The following FLOT2 variants were observed in gnomAD, a reference collection of about 807,000 sequenced individuals.
The protein encoded by FLOT2 is flotillin-2.
In FLOT2, 35 loss-of-function variants were observed where a neutral mutation model predicts 54.9. That is an observed-to-expected ratio of 0.64 (90% CI 0.49 to 0.84). The LOEUF (loss-of-function observed/expected upper bound fraction) is 0.84, where lower values mean the gene tolerates loss of function less well. FLOT2 is among the 40% of genes least tolerant of loss of function. FLOT2 has a pLI of 0.00. For synonymous variants in FLOT2, 207 were observed against 228.9 expected (o/e 0.90, Z 0.86); for missense variants, 464 against 572.1 (o/e 0.81, Z 1.93).
Position 28,882,797 on chromosome 17 carries a change from G to T in FLOT2, c.347-106C>A. On this transcript the variant is annotated intron_variant, in intron 4 of 10. Transcript: ENST00000394908. This position sits in a 1 kb window ranked among gnomAD's most constrained non-coding sequence, Gnocchi z 5.6. ...GGGTGCATGCGGGGTGCTGCACTCT[G>T]AGCTGGGTCTTCCTGGGGTATCTTC... is the stretch of plus-strand genomic sequence containing the variant. 1.3e-6 allele frequency: 1 copy of T among 764,186 alleles called. No homozygotes were observed. The highest frequency in any genetic ancestry group is 1.6e-5 in the South Asian group (1 of 63,610). 47.3% of individuals were successfully genotyped at this position (764,186 alleles called of 1,614,324 possible). A position where few individuals can be genotyped will look rare whatever the true frequency, so the allele number is the denominator to read the frequency against.
At chr17:28,887,518 C>T (rs1321211146) in intron 2 of FLOT2, among the ~76,000 whole-genome samples, 1 of 152,240 alleles carries the variant, frequency 6.6e-6, no homozygotes, top group African/African-American at 2.4e-5. Context: ...AACTTCCAAA[C>T]TTGCTGTCAG....
Position 28,882,364 on chromosome 17 carries a change from G to T in FLOT2, c.552C>A (p.Ala184=). ...VVQRDADIGV[A]EAERDAGIRE... is the part of the protein sequence containing the mutation. ...GGATGCCTGCGTCCCGTTCAGCCTC[G>T]GCCACGCCAATGTCAGCATCTCTCT... Residue 184 remains alanine (A), a synonymous_variant, in exon 6 of 11, where the codon GCC becomes GCA. Coordinates refer to ENST00000394908, the MANE Select transcript of FLOT2 (RefSeq NM_004475.3). The surrounding 1 kb of genome is among the most constrained non-coding windows in gnomAD (Gnocchi z 5.6). 2 of 1,613,970 alleles carry T rather than the reference G, an allele frequency of 1.2e-6. No homozygotes were observed. Among genetic ancestry groups the T allele is most frequent in the Non-Finnish European group, 1.7e-6 (2 of 1,180,028 alleles).
chr17:28,881,378 G>A lies in FLOT2; in HGVS notation c.915-3C>T, dbSNP rs1279615651. 6.2e-7 allele frequency: 1 copy of A among 1,610,006 alleles called. No individual in the cohort carries two copies. The highest frequency in any genetic ancestry group is 8.5e-7 in the Non-Finnish European group (1 of 1,179,930). ...GTGCCAAGAGGACCTGCTTCACCCTGGGGGAGCCCAGGCCAGTTAGGATCA... is the reference window on the plus strand; with the variant it reads ...GTGCCAAGAGGACCTGCTTCACCCTAGGGGAGCCCAGGCCAGTTAGGATCA... On this transcript the variant is annotated splice_polypyrimidine_tract_variant and splice_region_variant and intron_variant, in intron 8 of 10. Transcript: ENST00000394908.
Position 28,884,538 on chromosome 17 carries a change from G to A in FLOT2, c.132-223C>T, listed in dbSNP as rs902501568. 1.3e-5 allele frequency among the ~76,000 whole-genome samples: 2 copies of A among 152,170 alleles called. No individual in the cohort carries two copies. The highest frequency in any genetic ancestry group is 6.5e-5 in the Admixed American group (1 of 15,280). On this transcript the variant is annotated intron_variant, in intron 2 of 10. Coordinates refer to ENST00000394908, the MANE Select transcript of FLOT2 (RefSeq NM_004475.3). This position sits in a 1 kb window ranked among gnomAD's most constrained non-coding sequence, Gnocchi z 5.1. ...AGGAGTGGAAGTGGGCTGCATATGT[G>A]CACACACCCTCTGCTCAAGTCAGCT...
chr17:28,890,252 G>C (rs1376402025), intron 1 of FLOT2, among the ~76,000 whole-genome samples: 3 of 152,188 alleles, frequency 2.0e-5, no homozygotes, highest in Non-Finnish European at 4.4e-5. Flanking sequence ...AAGCAAAAAG[G>C]CCTAAAAAGG....
chr17:28,881,403 A>G, intron 8 of FLOT2, 28 bp from the exon 9 acceptor site: 1 of 1,603,070 alleles, frequency 6.2e-7, no homozygotes, highest in Non-Finnish European at 8.5e-7. Context: ...AGTTAGGATC[A>G]GTGGGACGTA....
At chr17:28,888,155 C>T (rs1449751707) in intron 2 of FLOT2, among the ~76,000 whole-genome samples, 1 of 152,188 alleles carries the variant, frequency 6.6e-6, no homozygotes, top group Non-Finnish European at 1.5e-5. Context: ...AGGATCTGCT[C>T]CTCCCCTCCC....
intron 1 of FLOT2, among the ~76,000 whole-genome samples, chr17:28,890,862 CTTT>C (rs869029497): frequency 2.7e-4 from 20 of 74,956 alleles, no homozygotes; most frequent in Non-Finnish European, 3.0e-4. Flanking sequence ...ATCATTTCTT[CTTT>C]TTTTTTTTTT....
Position 28,879,629 on chromosome 17 carries a change from G to A in FLOT2, c.*932C>T. The stretch of plus-strand genomic sequence containing the variant: ...AAGAAAGATGGCACAAGGGCTCTGG[G>A]GTCTGGCCAGGCTACAGCACTCGAT... On this transcript the variant is annotated 3_prime_UTR_variant, in exon 11 of 11. Transcript: ENST00000394908. 2.0e-6 allele frequency: 2 copies of A among 985,974 alleles called. No homozygotes were observed. The highest frequency in any genetic ancestry group is 2.4e-6 in the Non-Finnish European group (2 of 830,108). 61.1% of individuals were successfully genotyped at this position (985,974 alleles called of 1,614,324 possible).
chr17:28,879,732 T>C lies in FLOT2; in HGVS notation c.*829A>G. 2.0e-6 allele frequency: 2 copies of C among 985,966 alleles called. No individual in the cohort carries two copies. Among genetic ancestry groups the C allele is most frequent in the Non-Finnish European group, 1.2e-6 (1 of 830,068 alleles). The allele number at this position is 985,966 out of a possible 1,614,324, so 61.1% of individuals were successfully genotyped here. ...CAGTGCAGCCCTAGCAGGAAGAAGG[T>C]CTACACACTTTTCTGTCCCCAACAG... On this transcript the variant is annotated 3_prime_UTR_variant, in exon 11 of 11. Coordinates refer to ENST00000394908, the MANE Select transcript of FLOT2 (RefSeq NM_004475.3).
At chr17:28,896,511 C>CA (rs1389805497) in intron 1 of FLOT2, among the ~76,000 whole-genome samples, 2 of 152,154 alleles carry the variant, frequency 1.3e-5, no homozygotes, top group African/African-American at 4.8e-5. Context: ...GGGGATGTCC[C>CA]AGTGGAGAGA....
At chr17:28,893,237 C>T (rs1347829963) in intron 1 of FLOT2, 2 of 152,222 alleles carry the variant, frequency 1.3e-5, no homozygotes, top group African/African-American at 4.8e-5. Context: ...CCTAACTGTA[C>T]CTCACTCTAT....
intron 2 of FLOT2, among the ~76,000 whole-genome samples, chr17:28,887,641 C>A (rs1050331774): frequency 6.6e-6 from 1 of 152,236 alleles, no homozygotes; most frequent in Non-Finnish European, 1.5e-5. Flanking sequence ...TGGCTGCCCA[C>A]GCAGGGCAGG....
chr17:28,897,106 C>A lies in FLOT2; in HGVS notation c.49+420G>T, dbSNP rs964736722. On this transcript the variant is annotated intron_variant, in intron 1 of 10. Transcript: ENST00000394908. This position sits in a 1 kb window ranked among gnomAD's most constrained non-coding sequence, Gnocchi z 4.4. ...CTCTGTTTCAGGGCCCCTCCCCATA[C>A]AGGCACCTGCCCTCCAGGGCTGCGC... Among the ~76,000 whole-genome samples the A allele has an allele frequency of 1.3e-5, 2 of 152,196 alleles. No individual in the cohort carries two copies. The highest frequency in any genetic ancestry group is 2.9e-5 in the Non-Finnish European group (2 of 68,032).
intron 2 of FLOT2, chr17:28,886,137 G>A (rs2039542774): frequency 1.6e-6 from 1 of 625,756 alleles, no homozygotes; most frequent in African/African-American, 1.8e-5. Flanking sequence ...GCGACCTCCT[G>A]TGCTGATCCG....
rs562920962 is a variant in FLOT2 at position 28,897,176 on chromosome 17, C to T, written c.49+350G>A. On this transcript the variant is annotated intron_variant, in intron 1 of 10. Coordinates refer to ENST00000394908, the MANE Select transcript of FLOT2 (RefSeq NM_004475.3). This position sits in a 1 kb window ranked among gnomAD's most constrained non-coding sequence, Gnocchi z 4.4. ...GCGCTGGAATCCAGCCAAACCTCTGCGTTCCCGGAACCACCAGTTCCCTCC... is the reference window on the plus strand; with the variant it reads ...GCGCTGGAATCCAGCCAAACCTCTGTGTTCCCGGAACCACCAGTTCCCTCC... Among the ~76,000 whole-genome samples the T allele has an allele frequency of 3.0e-4, 46 of 152,376 alleles. No individual in the cohort carries two copies. The highest frequency in any genetic ancestry group is 1.1e-3 in the African/African-American group (44 of 41,598).
In FLOT2 at chr17:28,884,048, G is replaced by A. The variant is rs1489317217; in HGVS notation, c.222+177C>T. ...TTAGTCCTGCTGGGTGGCCAAAATGGCCCGGTGAGCATGTTCCAGTGGCGA... is the reference window on the plus strand; with the variant it reads ...TTAGTCCTGCTGGGTGGCCAAAATGACCCGGTGAGCATGTTCCAGTGGCGA... On this transcript the variant is annotated intron_variant, in intron 3 of 10. Coordinates refer to ENST00000394908, the MANE Select transcript of FLOT2 (RefSeq NM_004475.3). This position sits in a 1 kb window ranked among gnomAD's most constrained non-coding sequence, Gnocchi z 5.1. 1.3e-5 allele frequency among the ~76,000 whole-genome samples: 2 copies of A among 152,184 alleles called. No homozygotes were observed. The highest frequency in any genetic ancestry group is 2.9e-5 in the Non-Finnish European group (2 of 68,030).
chr17:28,894,523 C>T (rs2039708249), intron 1 of FLOT2, among the ~76,000 whole-genome samples: 1 of 149,672 alleles, frequency 6.7e-6, no homozygotes, highest in Non-Finnish European at 1.5e-5. Context: ...ACTTGGGAGG[C>T]TGAGACATGA....
At chr17:28,896,771 C>T (rs890611098) in intron 1 of FLOT2, among the ~76,000 whole-genome samples, 1 of 152,164 alleles carries the variant, frequency 6.6e-6, no homozygotes, top group Non-Finnish European at 1.5e-5. Flanking sequence ...CCAGGACCCC[C>T]GTCCCCCAGC....
Sources: gnomAD v4.1 joint callset for allele counts (sites outside exome capture counted in the v4.1 genomes callset) on GRCh38, gnomAD v4.1.1 for gene constraint, Gnocchi (gnomAD v3.1) non-coding constraint, MANE v1.5 for transcripts, NCBI Gene and HGNC (gene_info 2026-07-23, HGNC 2026-07-21) for gene names.